Variants in BCKDHB observed in about 807,000 individuals in gnomAD.
The protein encoded by BCKDHB is branched chain keto acid dehydrogenase E1 subunit beta.
Under a neutral mutation model 48.5 loss-of-function variants are expected in BCKDHB, and 41 were observed. The ratio of observed to expected loss-of-function variants is 0.85; its 90% CI spans 0.66 to 1.10. The LOEUF is 1.10. Among genes scored for constraint, BCKDHB ranks in the 50% least tolerant of loss-of-function variants. The pLI, the probability that BCKDHB is intolerant of heterozygous loss-of-function variation, is 0.00. For missense variants in BCKDHB, 496 were observed against 494.2 expected (o/e 1.00, Z -0.03); for synonymous variants, 201 against 174.8 (o/e 1.15, Z -1.18).
At chr6:80,201,611 A>G (rs1331653628) in intron 7 of BCKDHB, among the ~76,000 whole-genome samples, 1 of 152,096 alleles carries the variant, frequency 6.6e-6, no homozygotes, top group East Asian at 1.9e-4. Flanking sequence ...GCCATCTCTC[A>G]TCATTACTTT....
intron 9 of BCKDHB, among the ~76,000 whole-genome samples, chr6:80,275,942 G>C (rs929971327): frequency 6.6e-6 from 1 of 151,642 alleles, no homozygotes; most frequent in Non-Finnish European, 1.5e-5. Context: ...TTCTTTTTTG[G>C]GGTATATTTT....
intron 9 of BCKDHB, among the ~76,000 whole-genome samples, chr6:80,293,557 A>T (rs1767055051): frequency 6.6e-6 from 1 of 152,084 alleles, no homozygotes; most frequent in East Asian, 1.9e-4. Flanking sequence ...GCCACCGTGA[A>T]GGTCTCTGAC....
At chr6:80,319,051 G>A (rs1768583888) in intron 9 of BCKDHB, among the ~76,000 whole-genome samples, 1 of 152,084 alleles carries the variant, frequency 6.6e-6, no homozygotes. Flanking sequence ...TTTCCCTCAG[G>A]GATTCAGGGA....
At chr6:80,311,709 C>T (rs1432345170) in intron 9 of BCKDHB, among the ~76,000 whole-genome samples, 1 of 152,130 alleles carries the variant, frequency 6.6e-6, no homozygotes, top group Non-Finnish European at 1.5e-5. Flanking sequence ...TTGTTTTTGT[C>T]AGGTTCATCA....
At chr6:80,179,310 T>C (rs1353604406) in intron 6 of BCKDHB, among the ~76,000 whole-genome samples, 1 of 152,184 alleles carries the variant, frequency 6.6e-6, no homozygotes, top group East Asian at 1.9e-4. Flanking sequence ...CAGTTGGCGC[T>C]TTTTATCTGT....
intron 8 of BCKDHB, among the ~76,000 whole-genome samples, chr6:80,260,253 A>G (rs1038349856): frequency 6.6e-6 from 1 of 151,954 alleles, no homozygotes; most frequent in Non-Finnish European, 1.5e-5. Flanking sequence ...CAATCTTACC[A>G]TTTATCTTTT....
intron 9 of BCKDHB, among the ~76,000 whole-genome samples, chr6:80,336,787 G>C (rs1257913387): frequency 6.6e-6 from 1 of 152,002 alleles, no homozygotes; most frequent in Admixed American, 6.6e-5. Flanking sequence ...ATATCAATGA[G>C]TGTTTGTTCT....
the BCKDHB span, among the ~76,000 whole-genome samples, chr6:80,392,948 T>C: frequency 1.1e-4 from 16 of 151,658 alleles, no homozygotes; most frequent in African/African-American, 3.9e-4. Flanking sequence ...AATTTCTTGA[T>C]TTTATAATTT....
the BCKDHB span, among the ~76,000 whole-genome samples, chr6:80,383,373 TTTTC>T: frequency 7.9e-5 from 12 of 152,086 alleles, no homozygotes; most frequent in Admixed American, 2.6e-4. Flanking sequence ...TTAAAAACAT[TTTTC>T]TAGTCTTTTT....
intron 8 of BCKDHB, among the ~76,000 whole-genome samples, chr6:80,242,778 A>G (rs1776441719): frequency 6.6e-6 from 1 of 152,058 alleles, no homozygotes; most frequent in South Asian, 2.1e-4. Context: ...GGGACTATTG[A>G]CTAACATCTT....
At chr6:80,140,917 G>A (rs1229507857) in intron 3 of BCKDHB, among the ~76,000 whole-genome samples, 2 of 152,142 alleles carry the variant, frequency 1.3e-5, no homozygotes, top group Non-Finnish European at 2.9e-5. Context: ...GAATTCGGCT[G>A]TGAATCCATC....
At chr6:80,226,926 A>G (rs1021456451) in intron 8 of BCKDHB, among the ~76,000 whole-genome samples, 4 of 152,182 alleles carry the variant, frequency 2.6e-5, no homozygotes, top group African/African-American at 9.6e-5. Flanking sequence ...TGGTTGCTGG[A>G]TGACCTTGGG....
chr6:80,401,495 A>C, the BCKDHB span, among the ~76,000 whole-genome samples: 1 of 151,928 alleles, frequency 6.6e-6, no homozygotes, highest in East Asian at 1.9e-4. Flanking sequence ...ATCTCATGTC[A>C]AATTGTAATC....
intron 8 of BCKDHB, among the ~76,000 whole-genome samples, chr6:80,235,018 G>A (rs367900146): frequency 1.3e-5 from 2 of 152,124 alleles, no homozygotes; most frequent in African/African-American, 4.8e-5. Context: ...CAAATAGTAG[G>A]GGGAGTGGAG....
At chr6:80,166,891 T>A (rs1322635549) in intron 3 of BCKDHB, among the ~76,000 whole-genome samples, 1 of 152,184 alleles carries the variant, frequency 6.6e-6, no homozygotes, top group African/African-American at 2.4e-5. Flanking sequence ...TAGGCCATGT[T>A]TGTTGAACAT....
rs139871954 is a variant in BCKDHB at position 80,111,545 on chromosome 6, T to C, written c.196+4656T>C. ...GCAAGAGTCTTTGTTGTGCAGATTATCAGAGGCAAGCCAAATCAACCAAAT... is the reference window on the plus strand; with the variant it reads ...GCAAGAGTCTTTGTTGTGCAGATTACCAGAGGCAAGCCAAATCAACCAAAT... On this transcript the variant is annotated intron_variant, in intron 1 of 9. Coordinates refer to ENST00000320393, the MANE Select transcript of BCKDHB (RefSeq NM_183050.4). Among the ~76,000 whole-genome samples the C allele has an allele frequency of 7.4e-3, 1,132 of 152,302 alleles. 30 individuals are homozygous for C. Among genetic ancestry groups the C allele is most frequent in the Admixed American group, 0.064 (980 of 15,304 alleles).
chr6:80,261,692 T>G (rs917961534), intron 8 of BCKDHB, among the ~76,000 whole-genome samples: 2 of 152,094 alleles, frequency 1.3e-5, no homozygotes, highest in Non-Finnish European at 2.9e-5. Context: ...TTACCCAGCC[T>G]TATTATCTCC....
At chr6:80,428,231 C>T in the BCKDHB span, among the ~76,000 whole-genome samples, 2 of 152,204 alleles carry the variant, frequency 1.3e-5, no homozygotes, top group South Asian at 2.1e-4. Context: ...CATAGTATTC[C>T]ATGGTGTATA....
intron 6 of BCKDHB, among the ~76,000 whole-genome samples, chr6:80,184,831 T>G (rs1773569451): frequency 6.6e-6 from 1 of 152,216 alleles, no homozygotes; most frequent in East Asian, 1.9e-4. Context: ...TTTTCCTTTA[T>G]AGGTTACCTG....
Sources: allele counts gnomAD v4.1 joint callset (sites outside exome capture counted in the v4.1 genomes callset), GRCh38; gene constraint gnomAD v4.1.1; transcripts MANE v1.5; gene names NCBI Gene and HGNC (gene_info 2026-07-23, HGNC 2026-07-21).